DNAH14: variants seen among roughly 807,000 people sequenced by gnomAD.
DNAH14 encodes dynein axonemal heavy chain 14.
A neutral mutation model predicts 520.9 loss-of-function variants in DNAH14; 478 were observed. The observed-to-expected ratio is 0.92, with a 90% CI of 0.85 to 0.99. The LOEUF is 0.99. DNAH14 is among the 50% of genes least tolerant of loss of function. DNAH14 has a pLI of 0.00. For missense variants in DNAH14, 4,831 were observed against 5,234.5 expected (o/e 0.92, Z 2.38); for synonymous variants, 1,581 against 1,757.2 (o/e 0.90, Z 2.51).
rs567178701 is a variant in DNAH14 at position 225,141,448 on chromosome 1, G to A, written c.4508+427G>A. Among the ~76,000 whole-genome samples, 601 of 139,316 alleles carry A rather than the reference G, an allele frequency of 4.3e-3. 5 individuals are homozygous for A. Among genetic ancestry groups the A allele is most frequent in the African/African-American group, 0.015 (568 of 37,266 alleles). 91.4% of individuals were successfully genotyped at this position (139,316 alleles called of 152,430 possible). A position where few individuals can be genotyped will look rare whatever the true frequency, so the allele number is the denominator to read the frequency against. ...ATATAGAGGGTCTGGAACTATATGTGGTTTGAACTATACGTATCCTCTGTT... is the reference window on the plus strand; with the variant it reads ...ATATAGAGGGTCTGGAACTATATGTAGTTTGAACTATACGTATCCTCTGTT... On this transcript the variant is annotated intron_variant, in intron 28 of 85. Coordinates refer to ENST00000682510, the MANE Select transcript of DNAH14 (RefSeq NM_001367479.1).
chr1:225,088,433 T>C (rs996571827), intron 21 of DNAH14, among the ~76,000 whole-genome samples: 9 of 152,270 alleles, frequency 5.9e-5, no homozygotes, highest in African/African-American at 2.2e-4. Context: ...AAGAAAAGAT[T>C]GGTGAACTTA....
chr1:225,344,691 T>TTTCA (rs1553343046), intron 69 of DNAH14, among the ~76,000 whole-genome samples: 1 of 143,058 alleles, frequency 7.0e-6, no homozygotes, highest in African/African-American at 2.6e-5. Flanking sequence ...CTAGCCATTC[T>TTTCA]TTTATTTATT....
intron 18 of DNAH14, among the ~76,000 whole-genome samples, chr1:225,079,788 C>T (rs892035232): frequency 2.0e-5 from 3 of 150,234 alleles, no homozygotes; most frequent in African/African-American, 4.9e-5. Context: ...ATTCTCCTGC[C>T]TCAGCCTCCC....
chr1:225,021,239 A>C (rs767509258), intron 10 of DNAH14, among the ~76,000 whole-genome samples: 1 of 152,194 alleles, frequency 6.6e-6, no homozygotes, highest in Non-Finnish European at 1.5e-5. Flanking sequence ...TAACTGGAAC[A>C]AGAGAAGGAT....
chr1:225,335,191 A>G (rs572909293), intron 66 of DNAH14, among the ~76,000 whole-genome samples: 20 of 142,582 alleles, frequency 1.4e-4, no homozygotes, highest in African/African-American at 4.9e-4. Flanking sequence ...GCATGTGTGT[A>G]TATATGCACA....
rs780439102 is a variant in DNAH14 at position 225,308,283 on chromosome 1, A to G, written c.9115-2A>G. 1.3e-6 allele frequency: 2 copies of G among 1,535,098 alleles called. No individual in the cohort carries two copies. The highest frequency in any genetic ancestry group is 1.3e-5 in the South Asian group (1 of 79,132). ...TCTAAGAACAATTATGTGCTTCATT[A>G]GGAAACAGAAACTCTAATGGAAAAA... is the stretch of plus-strand genomic sequence containing the variant. On this transcript the variant is annotated splice_acceptor_variant, in intron 59 of 85. Transcript: ENST00000682510. LOFTEE classifies it high-confidence loss of function.
chr1:225,248,809 A>C (rs1489675248), intron 43 of DNAH14, among the ~76,000 whole-genome samples: 2 of 152,218 alleles, frequency 1.3e-5, no homozygotes, highest in Non-Finnish European at 2.9e-5. Flanking sequence ...GGGGAACACC[A>C]GTTCTTTGAA....
At chr1:225,308,252 A>G (rs994327458) in intron 59 of DNAH14, 33 bp from the exon 60 acceptor site, 4 of 1,516,088 alleles carry the variant, frequency 2.6e-6, no homozygotes, top group African/African-American at 2.8e-5. Flanking sequence ...GTCTCTTAAA[A>G]TTCATTCTAA....
chr1:225,061,294 G>A (rs989685238), intron 17 of DNAH14, among the ~76,000 whole-genome samples: 1 of 152,204 alleles, frequency 6.6e-6, no homozygotes, highest in Non-Finnish European at 1.5e-5. Context: ...TGGCTCCGTG[G>A]GCGTAGGACC....
intron 8 of DNAH14, among the ~76,000 whole-genome samples, chr1:224,985,433 GAAT>G (rs2062562521): frequency 6.6e-6 from 1 of 152,124 alleles, no homozygotes; most frequent in Admixed American, 6.6e-5. Context: ...AAAAGCATAA[GAAT>G]GATACAATGG....
Position 225,324,309 on chromosome 1 carries a change from T to C in DNAH14, c.9583T>C (p.Cys3195Arg). 6.4e-7 allele frequency: 1 copy of C among 1,551,912 alleles called. No individual in the cohort carries two copies. The highest frequency in any genetic ancestry group is 1.2e-5 in the South Asian group (1 of 84,064). The change falls in exon 63 of 86, where the codon TGC becomes CGC. Residue 3195 changes from cysteine (C) to arginine (R), a missense_variant. Cys to Arg is a radical substitution (Grantham distance 180). Transcript: ENST00000682510. ...SLVSVACCSL[C>R]QWVIALNNYH... ...GGTTTCTGTTGCTTGTTGCTCCCTG[T>C]GCCAGTGGGTTATAGCTTTGAATAA...
chr1:225,336,282 A>G (rs2095052510), intron 66 of DNAH14, among the ~76,000 whole-genome samples: 2 of 151,842 alleles, frequency 1.3e-5, no homozygotes, highest in Non-Finnish European at 2.9e-5. Context: ...ACATAAAGAA[A>G]AGTTGAGAGT....
At chr1:225,049,942 G>A (rs2068380494) in intron 15 of DNAH14, among the ~76,000 whole-genome samples, 1 of 152,098 alleles carries the variant, frequency 6.6e-6, no homozygotes, top group South Asian at 2.1e-4. Context: ...TCAAATATTT[G>A]TAAACTGAAT....
intron 36 of DNAH14, among the ~76,000 whole-genome samples, chr1:225,178,396 C>T (rs966814959): frequency 2.6e-5 from 4 of 152,070 alleles, no homozygotes; most frequent in Admixed American, 6.6e-5. Flanking sequence ...TCTGATAAAC[C>T]CATCAGATCT....
intron 23 of DNAH14, 60 bp downstream of exon 23, chr1:225,100,944 A>C: frequency 7.4e-7 from 1 of 1,343,754 alleles, no homozygotes; most frequent in Non-Finnish European, 1.0e-6. Context: ...TAAAAGTGAT[A>C]TAATGTAATC....
chr1:225,106,181 C>A (rs952588684), intron 23 of DNAH14, among the ~76,000 whole-genome samples: 2 of 151,022 alleles, frequency 1.3e-5, no homozygotes, highest in African/African-American at 5.0e-5. Context: ...GTTGAAAATT[C>A]TTTTCTTTAA....
chr1:225,275,238 T>A (rs1356660345), intron 52 of DNAH14, among the ~76,000 whole-genome samples: 1 of 152,180 alleles, frequency 6.6e-6, no homozygotes. Flanking sequence ...AGACAGCAAG[T>A]GGGATAAGTG....
At chr1:225,186,006 A>C (rs1038056220) in intron 37 of DNAH14, among the ~76,000 whole-genome samples, 5 of 32,766 alleles carry the variant, frequency 1.5e-4, no homozygotes, top group African/African-American at 5.8e-4. Context: ...TCTATTTTTT[A>C]AATCTTTTAA....
At chr1:225,212,534 T>C (rs1574026012) in intron 41 of DNAH14, among the ~76,000 whole-genome samples, 1 of 152,112 alleles carries the variant, frequency 6.6e-6, no homozygotes, top group South Asian at 2.1e-4. Flanking sequence ...AGTGTAAAAG[T>C]GTTCCTATTT....
Sources: gnomAD v4.1 joint callset for allele counts (sites outside exome capture counted in the v4.1 genomes callset) on GRCh38, gnomAD v4.1.1 for gene constraint, MANE v1.5 for transcripts, NCBI Gene and HGNC (gene_info 2026-07-23, HGNC 2026-07-21) for gene names.